AKT3: variants seen among roughly 807,000 people sequenced by gnomAD.
AKT3 encodes the protein AKT serine/threonine kinase 3, also known as RAC-gamma serine/threonine-protein kinase.
Under a neutral mutation model 65.3 loss-of-function variants are expected in AKT3, and 15 were observed. That is an observed-to-expected ratio of 0.23 (90% confidence interval 0.15 to 0.35). The LOEUF (loss-of-function observed/expected upper bound fraction) is 0.35, where lower values mean the gene tolerates loss of function less well. AKT3 is among the 10% of genes least tolerant of loss of function. The pLI, the probability that AKT3 is intolerant of heterozygous loss-of-function variation, is 1.00. For synonymous variants in AKT3, 206 were observed against 183.8 expected (o/e 1.12, Z -0.98); for missense variants, 243 against 576.5 (o/e 0.42, Z 5.92).
chr1:243,776,602 T>A (rs943894538), intron 2 of AKT3, among the ~76,000 whole-genome samples: 1 of 152,178 alleles, frequency 6.6e-6, no homozygotes, highest in Non-Finnish European at 1.5e-5. Flanking sequence ...ACCTAGACTA[T>A]GAAATTTTGT....
At chr1:243,798,207 CTT>C (rs59975727) in intron 2 of AKT3, among the ~76,000 whole-genome samples, 1,769 of 97,264 alleles carry the variant, frequency 0.018, 58 homozygotes, top group African/African-American at 0.059. Context: ...GTGCCAGGCC[CTT>C]TTTTTTTTTT....
chr1:243,624,220 G>A (rs556073069), intron 6 of AKT3, among the ~76,000 whole-genome samples: 33 of 152,262 alleles, frequency 2.2e-4, no homozygotes, highest in Admixed American at 9.8e-4. Context: ...GGCATGAGAC[G>A]GCAGCTGTAC....
chr1:243,600,677 T>C (rs1335054878), intron 8 of AKT3, among the ~76,000 whole-genome samples: 2 of 152,152 alleles, frequency 1.3e-5, no homozygotes, highest in African/African-American at 4.8e-5. Context: ...CTCATAGACC[T>C]AAATGCAAGA....
chr1:243,847,909 A>C (rs1695586994), intron 1 of AKT3, among the ~76,000 whole-genome samples: 1 of 152,180 alleles, frequency 6.6e-6, no homozygotes, highest in Non-Finnish European at 1.5e-5. Context: ...AAGATTATTA[A>C]GCCAAAAATT....
chr1:243,683,246 T>C (rs997510793), intron 3 of AKT3, among the ~76,000 whole-genome samples: 1 of 152,176 alleles, frequency 6.6e-6, no homozygotes, highest in Non-Finnish European at 1.5e-5. Context: ...GTGAAAGGGC[T>C]TGATACATAG....
Position 243,499,973 on chromosome 1 carries a change from C to T in AKT3, c.*5276G>A. ...GTCGGGCTGGAGCTGGAGTCTGACT[C>T]TAGCTGAGCAGAGCTCCTGGTGTAT... On this transcript the variant is annotated 3_prime_UTR_variant, in exon 14 of 14. Transcript: ENST00000673466. 1.6e-6 allele frequency: 1 copy of T among 641,614 alleles called. No homozygotes were observed. Among genetic ancestry groups the T allele is most frequent in the Non-Finnish European group, 2.8e-6 (1 of 355,420 alleles). The allele number at this position is 641,614 out of a possible 1,614,324, so 39.7% of individuals were successfully genotyped here. A position where few individuals can be genotyped will look rare whatever the true frequency, so the allele number is the denominator to read the frequency against.
chr1:243,600,884 C>T (rs77583531), intron 8 of AKT3, among the ~76,000 whole-genome samples: 1 of 152,008 alleles, frequency 6.6e-6, no homozygotes, highest in Non-Finnish European at 1.5e-5. Context: ...TAGAAGTCTG[C>T]CCTTCATACT....
rs1182490421 is a variant in AKT3 at position 243,674,684 on chromosome 1, A to G, written c.173-9801T>C. On this transcript the variant is annotated intron_variant, in intron 3 of 13. Transcript: ENST00000673466. ...ACTAGTAGGGACTTAAAAGATTTAT[A>G]AAAACCAAATGCAATGCGTGGTCCT... Among the ~76,000 whole-genome samples the G allele has an allele frequency of 2.6e-5, 4 of 152,352 alleles. No individual in the cohort carries two copies. The East Asian group carries it at 7.7e-4, about 29-fold the overall frequency.
intron 2 of AKT3, among the ~76,000 whole-genome samples, chr1:243,809,977 G>A (rs918430135): frequency 6.6e-6 from 1 of 151,578 alleles, no homozygotes; most frequent in Non-Finnish European, 1.5e-5. Flanking sequence ...GATGTTCTTT[G>A]AAACCAAGAG....
intron 2 of AKT3, among the ~76,000 whole-genome samples, chr1:243,812,317 A>T (rs977707539): frequency 5.9e-5 from 9 of 152,208 alleles, no homozygotes; most frequent in Non-Finnish European, 8.8e-5. Flanking sequence ...AACTCAAACA[A>T]ATTTACAAGA....
intron 8 of AKT3, among the ~76,000 whole-genome samples, chr1:243,580,862 C>T (rs1339230436): frequency 6.6e-6 from 1 of 152,162 alleles, no homozygotes; most frequent in Non-Finnish European, 1.5e-5. Flanking sequence ...CCGCACTCCT[C>T]CTGGACATAA....
chr1:243,555,401 C>T (rs1313487221), intron 10 of AKT3, among the ~76,000 whole-genome samples: 1 of 152,212 alleles, frequency 6.6e-6, no homozygotes, highest in Non-Finnish European at 1.5e-5. Flanking sequence ...CTTTCTCTTT[C>T]CTGAATCTAA....
intron 3 of AKT3, among the ~76,000 whole-genome samples, chr1:243,682,273 T>A (rs1214318867): frequency 1.3e-5 from 2 of 151,996 alleles, no homozygotes; most frequent in Admixed American, 1.3e-4. Flanking sequence ...CCACTTCCCA[T>A]CCACAATACT....
At chr1:243,727,724 C>A (rs1404881985) in intron 2 of AKT3, among the ~76,000 whole-genome samples, 1 of 151,964 alleles carries the variant, frequency 6.6e-6, no homozygotes, top group South Asian at 2.1e-4. Flanking sequence ...TTTCTTAAGT[C>A]TGCAGAAAAG....
At chr1:243,718,909 C>G (rs1686694859) in intron 2 of AKT3, among the ~76,000 whole-genome samples, 1 of 152,120 alleles carries the variant, frequency 6.6e-6, no homozygotes, top group East Asian at 1.9e-4. Context: ...AGAAGTCCAA[C>G]AAACTGGATT....
intron 2 of AKT3, among the ~76,000 whole-genome samples, chr1:243,707,212 A>G (rs989308243): frequency 5.9e-5 from 9 of 152,230 alleles, no homozygotes; most frequent in African/African-American, 2.2e-4. Context: ...GTTAGACTAC[A>G]CAAAAGTAAC....
At chr1:243,596,117 G>A (rs1676593205) in intron 8 of AKT3, among the ~76,000 whole-genome samples, 1 of 152,128 alleles carries the variant, frequency 6.6e-6, no homozygotes, top group South Asian at 2.1e-4. Flanking sequence ...ATGGCCCACT[G>A]TTGACAGAAA....
At chr1:243,564,534 C>T (rs974871222) in intron 9 of AKT3, among the ~76,000 whole-genome samples, 2 of 152,110 alleles carry the variant, frequency 1.3e-5, no homozygotes, top group African/African-American at 4.8e-5. Context: ...AACCAAGTAA[C>T]AGGATCATGT....
Position 243,843,147 on chromosome 1 carries a change from T to G in AKT3, c.24A>C (p.Lys8Asn). The G allele has an allele frequency of 6.2e-7, 1 of 1,614,052 alleles. No individual in the cohort carries two copies. The highest frequency in any genetic ancestry group is 8.5e-7 in the Non-Finnish European group (1 of 1,179,954). ...TACCCCTCTTCTGAACCCAACCTTC[T>G]TTCACAATGGTAACATCGCTCATGA... Reference protein sequence around the residue: MSDVTIVKEGWVQKRGEY... With the variant: MSDVTIVNEGWVQKRGEY... The change falls in exon 2 of 14, where the codon AAA becomes AAC. Residue 8 changes from lysine (K) to asparagine (N), a missense_variant. Physicochemically the swap from Lys to Asn is moderately conservative, Grantham distance 94 (BLOSUM62 0). Around this residue, in one of 6 missense-constraint regions of AKT3, gnomAD observed 29 missense variants for 91.3 expected, o/e 0.32. Coordinates refer to ENST00000673466, the MANE Select transcript of AKT3 (RefSeq NM_005465.7).
Sources: allele counts gnomAD v4.1 joint callset (sites outside exome capture counted in the v4.1 genomes callset), GRCh38; gene constraint gnomAD v4.1.1; regional missense constraint gnomAD v4.1.1; transcripts MANE v1.5; gene names NCBI Gene and HGNC (gene_info 2026-07-23, HGNC 2026-07-21).